Variants in NDUFA8 observed in about 807,000 individuals in gnomAD.
The protein encoded by NDUFA8 is NADH:ubiquinone oxidoreductase subunit A8.
NDUFA8 carries 16 observed loss-of-function variants against 20.9 expected under a neutral mutation model. The observed-to-expected ratio is 0.77, with a 90% CI of 0.52 to 1.16. The LOEUF (loss-of-function observed/expected upper bound fraction) is 1.16, where lower values mean the gene tolerates loss of function less well. Ranked by LOEUF, NDUFA8 falls within the 50% of genes most tolerant of loss-of-function variation. NDUFA8 has a pLI of 0.00. For synonymous variants in NDUFA8, 70 were observed against 76.1 expected (o/e 0.92, Z 0.41); for missense variants, 202 against 216.4 (o/e 0.93, Z 0.42).
At chr9:122,145,616 T>C (rs867555731) in intron 3 of NDUFA8, among the ~76,000 whole-genome samples, 8 of 152,362 alleles carry the variant, frequency 5.3e-5, no homozygotes, top group Middle Eastern at 6.8e-3. Flanking sequence ...ATTATTATTA[T>C]AACCACCTTA....
At chr9:122,154,914 T>C (rs1168473096) in intron 1 of NDUFA8, among the ~76,000 whole-genome samples, 1 of 152,226 alleles carries the variant, frequency 6.6e-6, no homozygotes, top group African/African-American at 2.4e-5. Flanking sequence ...TTTTCATTAA[T>C]TTATAAATGT....
downstream of NDUFA8, chr9:122,143,973 C>T: frequency 3.0e-6 from 3 of 992,502 alleles, no homozygotes; most frequent in Non-Finnish European, 4.1e-6. Context: ...GCAAGAGGAA[C>T]AGGCAGGACC....
At chr9:122,143,327 C>A (rs550651873), downstream of NDUFA8, among the ~76,000 whole-genome samples, 6 of 152,114 alleles carry the variant, frequency 3.9e-5, no homozygotes, top group South Asian at 8.3e-4. Context: ...CATAAAATGA[C>A]CCAGTCAGAT....
At chr9:122,139,302 C>T (rs191376885), downstream of NDUFA8, among the ~76,000 whole-genome samples, 113 of 152,312 alleles carry the variant, frequency 7.4e-4, no homozygotes, top group Middle Eastern at 3.4e-3. Flanking sequence ...GCTCAAACTG[C>T]GCTTGCTCTG....
At chr9:122,142,305 T>C (rs1042414249), downstream of NDUFA8, among the ~76,000 whole-genome samples, 2 of 152,232 alleles carry the variant, frequency 1.3e-5, no homozygotes, top group African/African-American at 4.8e-5. Flanking sequence ...TACTACTTAC[T>C]AGCAGGTAGC....
At position 122,152,278 on chromosome 9, in the gene NDUFA8, T is replaced by C. The variant is rs140703218; in HGVS notation, c.182A>G (p.Lys61Arg). Residue 61 changes from lysine to arginine, a missense_variant, in exon 2 of 4, where the codon AAA becomes AGA. Lys to Arg is a conservative substitution (Grantham distance 26). Coordinates refer to ENST00000373768, the MANE Select transcript of NDUFA8 (RefSeq NM_014222.3). Reference sequence around the variant, plus strand: ...GTCCAAAGCACACTTGTTGACCAGTTTGCCTTCCTCTAAACACCGCCTCGG... The same window carrying C: ...GTCCAAAGCACACTTGTTGACCAGTCTGCCTTCCTCTAAACACCGCCTCGG... The part of the protein sequence containing the change: ...KDPRRCLEEG[K>R]LVNKCALDFF... 39 of 1,614,090 alleles carry C rather than the reference T, an allele frequency of 2.4e-5. No individual in the cohort carries two copies. The highest frequency in any genetic ancestry group is 1.8e-4 in the East Asian group (8 of 44,898).
chr9:122,157,404 A>G (rs1455230844), intron 1 of NDUFA8, among the ~76,000 whole-genome samples: 1 of 152,264 alleles, frequency 6.6e-6, no homozygotes, highest in East Asian at 1.9e-4. Flanking sequence ...GGTGACCGGC[A>G]GGTAGGCCTA....
intron 1 of NDUFA8, among the ~76,000 whole-genome samples, chr9:122,159,257 T>C (rs1459172992): frequency 6.6e-6 from 1 of 152,198 alleles, no homozygotes; most frequent in Non-Finnish European, 1.5e-5. Flanking sequence ...CTCCCTCGAC[T>C]GTGAGCCCCT....
the NDUFA8 span, among the ~76,000 whole-genome samples, chr9:122,135,650 C>T: frequency 6.6e-6 from 1 of 152,184 alleles, no homozygotes; most frequent in Non-Finnish European, 1.5e-5. Flanking sequence ...AGTGTAGTGG[C>T]GTGACCACAG....
At chr9:122,132,976 T>A in the NDUFA8 span, 9 of 455,932 alleles carry the variant, frequency 2.0e-5, no homozygotes, top group Non-Finnish European at 4.0e-5. Context: ...AAGTCACCCC[T>A]AGCGAGGGAA....
At chr9:122,133,095 A>G in the NDUFA8 span, 2 of 448,988 alleles carry the variant, frequency 4.5e-6, no homozygotes, top group Non-Finnish European at 9.0e-6. Context: ...TTCATGGGTG[A>G]GGAAATGAAG....
intron 1 of NDUFA8, among the ~76,000 whole-genome samples, chr9:122,158,652 T>C (rs1413184762): frequency 2.0e-5 from 3 of 149,888 alleles, no homozygotes; most frequent in African/African-American, 4.9e-5. Context: ...TACGACCAAT[T>C]GTGTGTGTGT....
the NDUFA8 span, among the ~76,000 whole-genome samples, chr9:122,136,026 G>A: frequency 1.3e-5 from 2 of 152,206 alleles, no homozygotes; most frequent in African/African-American, 2.4e-5. Context: ...CAAGACAGCT[G>A]TACCTCATAG....
the NDUFA8 span, among the ~76,000 whole-genome samples, chr9:122,137,530 C>T: frequency 6.6e-6 from 1 of 152,126 alleles, no homozygotes; most frequent in Non-Finnish European, 1.5e-5. Context: ...CGTGAGCCAC[C>T]GCGCCTAGCC....
At chr9:122,148,674 A>G (rs1230359242) in intron 2 of NDUFA8, among the ~76,000 whole-genome samples, 1 of 152,122 alleles carries the variant, frequency 6.6e-6, no homozygotes, top group African/African-American at 2.4e-5. Context: ...TAGAAGTCAA[A>G]CGTGACAGAC....
downstream of NDUFA8, among the ~76,000 whole-genome samples, chr9:122,140,122 T>C (rs1398908565): frequency 6.6e-6 from 1 of 152,204 alleles, no homozygotes; most frequent in African/African-American, 2.4e-5. Context: ...ACACAGACAA[T>C]CTTCATTTTG....
downstream of NDUFA8, among the ~76,000 whole-genome samples, chr9:122,141,115 G>A (rs530542536): frequency 3.9e-5 from 6 of 152,282 alleles, no homozygotes; most frequent in East Asian, 9.7e-4. Flanking sequence ...GATAGCATTC[G>A]TGAAGATCTA....
chr9:122,138,869 G>GGGT, the NDUFA8 span, among the ~76,000 whole-genome samples: 1 of 142,062 alleles, frequency 7.0e-6, no homozygotes, highest in Non-Finnish European at 1.5e-5. Flanking sequence ...AAGAGGTGGG[G>GGGT]GGGGGGCCAT....
rs539670126 is a variant in NDUFA8 at position 122,149,950 on chromosome 9, C to G, written c.216-1673G>C. ...ACAGCCTGGGTGACAGAGTGAGACT[C>G]TGTCTCAAAAAAAAAAGAAAAATTG... On this transcript the variant is annotated intron_variant, in intron 2 of 3. Coordinates refer to ENST00000373768, the MANE Select transcript of NDUFA8 (RefSeq NM_014222.3). Among the ~76,000 whole-genome samples the G allele has an allele frequency of 2.6e-5, 4 of 151,814 alleles. No individual in the cohort carries two copies. In the South Asian group the frequency reaches 8.3e-4, roughly 32 times the overall value.
Sources: gnomAD v4.1 joint callset for allele counts (sites outside exome capture counted in the v4.1 genomes callset) on GRCh38, gnomAD v4.1.1 for gene constraint, MANE v1.5 for transcripts, NCBI Gene and HGNC (gene_info 2026-07-23, HGNC 2026-07-21) for gene names.